The following PDGFRL variants were observed in gnomAD, a reference collection of about 807,000 sequenced individuals.
PDGFRL encodes the protein platelet-derived growth factor receptor-like protein.
Under a neutral mutation model 37.2 loss-of-function variants are expected in PDGFRL, and 46 were observed. That is an observed-to-expected ratio of 1.24 (90% CI 0.98 to 1.58). The LOEUF is 1.58. PDGFRL is among the 40% of genes most tolerant of loss of function. PDGFRL has a pLI of 0.00. For missense variants in PDGFRL, 692 were observed against 467.6 expected (o/e 1.48, Z -4.43); for synonymous variants, 251 against 184.3 (o/e 1.36, Z -2.93).
intron 1 of PDGFRL, among the ~76,000 whole-genome samples, chr8:17,579,944 T>C (rs1191323645): frequency 3.3e-5 from 5 of 152,202 alleles, no homozygotes; most frequent in Non-Finnish European, 7.3e-5. Context: ...AGCATTTATA[T>C]GGAATACATG....
rs143132765 is a variant in PDGFRL, at chr8:17,589,872, C to G, written c.353+107C>G. On this transcript the variant is annotated intron_variant, in intron 2 of 5. Coordinates refer to ENST00000251630, the MANE Select transcript of PDGFRL (RefSeq NM_001372073.1). Reference sequence around the variant, plus strand: ...TGTTTCTGACATGTTCCATTTTACCCTAATAGATCATAAAAATAGAAGCTC... The same window carrying G: ...TGTTTCTGACATGTTCCATTTTACCGTAATAGATCATAAAAATAGAAGCTC... 933 of 677,046 alleles carry G rather than the reference C, an allele frequency of 1.4e-3. 12 individuals are homozygous for G. The East Asian group carries it at 0.022, about 16-fold the overall frequency. 41.9% of individuals were successfully genotyped at this position (677,046 alleles called of 1,614,324 possible). A position where few individuals can be genotyped will look rare whatever the true frequency, so the allele number is the denominator to read the frequency against.
At chr8:17,639,329 T>G (rs2129855227) in intron 5 of PDGFRL, among the ~76,000 whole-genome samples, 1 of 148,864 alleles carries the variant, frequency 6.7e-6, no homozygotes, top group Non-Finnish European at 1.5e-5. Flanking sequence ...TACCTTGGTT[T>G]TTATTTATTT....
intron 4 of PDGFRL, 124 bp from the exon 5 acceptor site, chr8:17,633,950 T>C: frequency 1.0e-6 from 1 of 957,202 alleles, no homozygotes. Context: ...GTCCTCGCAC[T>C]GGTCAGGGAG....
chr8:17,586,465 G>C (rs1803819488), intron 1 of PDGFRL, among the ~76,000 whole-genome samples: 1 of 152,220 alleles, frequency 6.6e-6, no homozygotes, highest in Non-Finnish European at 1.5e-5. Context: ...TAATCTCTAA[G>C]TGGATGGAGA....
Position 17,578,888 on chromosome 8 carries a change from A to G in PDGFRL, c.55+1581A>G, listed in dbSNP as rs1269313854. On this transcript the variant is annotated intron_variant, in intron 1 of 5. Coordinates refer to ENST00000251630, the MANE Select transcript of PDGFRL (RefSeq NM_001372073.1). ...ATAAATTTTAGGTGATAATAGCACG[A>G]AGATTTTGTTTATAAAAGTACACAC... 6.6e-5 allele frequency among the ~76,000 whole-genome samples: 10 copies of G among 152,176 alleles called. No individual in the cohort carries two copies. The East Asian group carries it at 2.0e-3, about 30-fold the overall frequency.
intron 2 of PDGFRL, among the ~76,000 whole-genome samples, chr8:17,602,463 G>A (rs1007402681): frequency 6.6e-6 from 1 of 152,138 alleles, no homozygotes; most frequent in Non-Finnish European, 1.5e-5. Flanking sequence ...GTAGCTTCAG[G>A]CAAGAGAGAG....
chr8:17,613,269 G>A (rs1011865456), intron 2 of PDGFRL, among the ~76,000 whole-genome samples: 19 of 152,298 alleles, frequency 1.2e-4, no homozygotes, highest in Non-Finnish European at 2.9e-5. Context: ...TATGGTTTTG[G>A]TTTGTGGTGT....
intron 5 of PDGFRL, 100 bp downstream of exon 5, chr8:17,634,313 A>C (rs1002107634): frequency 2.2e-6 from 2 of 906,746 alleles, no homozygotes; most frequent in Admixed American, 2.4e-5. Flanking sequence ...GCTATATGCC[A>C]TAACTTCAGA....
At chr8:17,617,837 C>G (rs1450732033) in intron 2 of PDGFRL, among the ~76,000 whole-genome samples, 1 of 152,136 alleles carries the variant, frequency 6.6e-6, no homozygotes, top group Admixed American at 6.5e-5. Context: ...CTTTCTATCA[C>G]TACAGTGCTA....
intron 3 of PDGFRL, among the ~76,000 whole-genome samples, chr8:17,623,074 C>T (rs969893045): frequency 1.3e-5 from 2 of 152,164 alleles, no homozygotes; most frequent in Admixed American, 1.3e-4. Context: ...CACAACATCC[C>T]TGGGAAATAA....
At chr8:17,590,141 G>A (rs1047350369) in intron 2 of PDGFRL, among the ~76,000 whole-genome samples, 10 of 149,678 alleles carry the variant, frequency 6.7e-5, no homozygotes, top group Non-Finnish European at 1.2e-4. Context: ...TGAGGCAGGA[G>A]AATGGTGCGA....
At chr8:17,638,175 C>T (rs1282760271) in intron 5 of PDGFRL, among the ~76,000 whole-genome samples, 1 of 152,152 alleles carries the variant, frequency 6.6e-6, no homozygotes, top group Non-Finnish European at 1.5e-5. Flanking sequence ...TTGATGTAGT[C>T]ATTTAATGCT....
At chr8:17,611,325 T>A (rs1804407397) in intron 2 of PDGFRL, among the ~76,000 whole-genome samples, 1 of 152,242 alleles carries the variant, frequency 6.6e-6, no homozygotes, top group Admixed American at 6.5e-5. Context: ...CAACCCACTT[T>A]CACTCACTGA....
At chr8:17,606,890 TTTTG>T (rs763400571) in intron 2 of PDGFRL, among the ~76,000 whole-genome samples, 497 of 12,456 alleles carry the variant, frequency 0.04, 7 homozygotes, top group Middle Eastern at 0.1. Context: ...TTTTTTGTTT[TTTTG>T]TTTTTTTTTT....
intron 5 of PDGFRL, among the ~76,000 whole-genome samples, chr8:17,639,980 T>A (rs28880418): frequency 0.021 from 3,159 of 152,284 alleles, 123 homozygotes; most frequent in African/African-American, 0.072. Context: ...TCTTTTAAAT[T>A]CTTTTTTGTT....
chr8:17,640,918 C>G (rs985126762), intron 5 of PDGFRL, among the ~76,000 whole-genome samples: 3 of 151,862 alleles, frequency 2.0e-5, no homozygotes, highest in Non-Finnish European at 2.9e-5. Flanking sequence ...CGTGTCTGAG[C>G]TCAGACACTC....
At chr8:17,612,020 G>A (rs1804427390) in intron 2 of PDGFRL, among the ~76,000 whole-genome samples, 1 of 152,152 alleles carries the variant, frequency 6.6e-6, no homozygotes, top group Admixed American at 6.5e-5. Flanking sequence ...AGCCTCGGCA[G>A]GTCCACACAG....
chr8:17,592,911 TACATGCAC>T (rs1387517886), intron 2 of PDGFRL, among the ~76,000 whole-genome samples: 6,104 of 148,056 alleles, frequency 0.041, 152 homozygotes, highest in East Asian at 0.061. Flanking sequence ...TAAACCCACA[TACATGCAC>T]ACACACACAC....
At position 17,630,436 on chromosome 8, in the gene PDGFRL, G is replaced by C. The variant is rs186764305; in HGVS notation, c.799+1656G>C. Among the ~76,000 whole-genome samples, 210 of 152,294 alleles carry C rather than the reference G, an allele frequency of 1.4e-3. 1 individual carries two copies. The highest frequency in any genetic ancestry group is 4.7e-3 in the African/African-American group (194 of 41,564). On this transcript the variant is annotated intron_variant, in intron 4 of 5. Transcript: ENST00000251630. ...TTCCTGAGGGTAGGGAGATCTGTTGGTCATGTCGAGTTTCCCTTTGATATC... is the reference window on the plus strand; with the variant it reads ...TTCCTGAGGGTAGGGAGATCTGTTGCTCATGTCGAGTTTCCCTTTGATATC...
Sources: gnomAD v4.1 joint callset for allele counts (sites outside exome capture counted in the v4.1 genomes callset) on GRCh38, gnomAD v4.1.1 for gene constraint, MANE v1.5 for transcripts, NCBI Gene and HGNC (gene_info 2026-07-23, HGNC 2026-07-21) for gene names.